Variants in CPO observed in about 807,000 individuals in gnomAD.
CPO encodes metallocarboxypeptidase C.
A neutral mutation model predicts 41.2 loss-of-function variants in CPO; 43 were observed. That is an observed-to-expected ratio of 1.04 (90% confidence interval 0.82 to 1.35). The LOEUF (loss-of-function observed/expected upper bound fraction) is 1.35. CPO is among the 40% of genes most tolerant of loss of function. The pLI, the probability that CPO is intolerant of heterozygous loss-of-function variation, is 0.00. For synonymous variants in CPO, 178 were observed against 162.7 expected, an observed-to-expected ratio of 1.09 and a Z score of -0.72; for missense variants, 408 against 451.7, an observed-to-expected ratio of 0.90 and a Z score of 0.88.
At chr2:206,944,514 A>C (rs1693104612) in intron 1 of CPO, among the ~76,000 whole-genome samples, 1 of 152,050 alleles carries the variant, frequency 6.6e-6, no homozygotes, top group African/African-American at 2.4e-5. Context: ...TTTCTCAGCT[A>C]TTACAATGTA....
rs963610782 is a variant in CPO at position 206,968,444 on chromosome 2, T to G, written c.862+97T>G. ...ATAGGCGGGAGAGGAACAGAAGAGT[T>G]CCTGGGATCAACAGGGAGTTGTACA... On this transcript the variant is annotated intron_variant, in intron 8 of 8. Transcript: ENST00000272852. 9 of 733,040 alleles carry G rather than the reference T, an allele frequency of 1.2e-5. No individual in the cohort carries two copies. In the African/African-American group the frequency reaches 1.4e-4, roughly 11 times the overall value. The allele number at this position is 733,040 out of a possible 1,614,324, so 45.4% of individuals were successfully genotyped here.
intron 8 of CPO, 31 bp from the exon 9 acceptor site, chr2:206,969,143 T>A: frequency 6.2e-7 from 1 of 1,609,618 alleles, no homozygotes. Context: ...AAGTATGACT[T>A]CTACCTCTGC....
In CPO at chr2:206,961,009, A is replaced by G. The variant is rs1468132759; in HGVS notation, c.574+67A>G. ...TGAGAAGTAAGAAAAGAGGTGAATT[A>G]CTAAATGTATAATTTTTGAAAATAA... On this transcript the variant is annotated intron_variant, in intron 6 of 8. Coordinates refer to ENST00000272852, the MANE Select transcript of CPO (RefSeq NM_173077.3). 11 of 1,103,628 alleles carry G rather than the reference A, an allele frequency of 1.0e-5. No individual in the cohort carries two copies. The African/African-American group carries it at 1.2e-4, about 12-fold the overall frequency. The allele number at this position is 1,103,628 out of a possible 1,614,324, so 68.4% of individuals were successfully genotyped here. A position where few individuals can be genotyped will look rare whatever the true frequency, so the allele number is the denominator to read the frequency against.
intron 7 of CPO, among the ~76,000 whole-genome samples, chr2:206,963,170 G>T (rs143236596): frequency 6.6e-6 from 1 of 152,138 alleles, no homozygotes; most frequent in East Asian, 1.9e-4. Flanking sequence ...GGTCTTATCC[G>T]TGTCCTTCTC....
At chr2:206,957,840 A>G (rs763116499) in intron 3 of CPO, among the ~76,000 whole-genome samples, 5 of 152,218 alleles carry the variant, frequency 3.3e-5, no homozygotes, top group Admixed American at 1.3e-4. Flanking sequence ...AATCCATTTG[A>G]AATTTCAAGA....
At chr2:206,962,099 C>CA (rs766647290) in intron 6 of CPO, among the ~76,000 whole-genome samples, 1,405 of 69,200 alleles carry the variant, frequency 0.02, 30 homozygotes, top group African/African-American at 0.05. Flanking sequence ...GACTCTGTCT[C>CA]AAAAAAAAAA....
chr2:206,950,181 T>A (rs1480387202), intron 2 of CPO, among the ~76,000 whole-genome samples: 1 of 152,168 alleles, frequency 6.6e-6, no homozygotes. Flanking sequence ...AAAATTTTTA[T>A]AATCTGTCCA....
chr2:206,947,646 A>G (rs1415761234), intron 1 of CPO, among the ~76,000 whole-genome samples: 3 of 152,212 alleles, frequency 2.0e-5, no homozygotes, highest in Non-Finnish European at 4.4e-5. Context: ...TTTTCAAAAC[A>G]CACATCTGAT....
At chr2:206,943,034 G>A (rs1693057689) in intron 1 of CPO, among the ~76,000 whole-genome samples, 1 of 152,106 alleles carries the variant, frequency 6.6e-6, no homozygotes, top group African/African-American at 2.4e-5. Context: ...CAAGAGTAAG[G>A]CAAATGCCTG....
chr2:206,943,724 TA>T (rs1372159755), intron 1 of CPO, among the ~76,000 whole-genome samples: 3 of 130,858 alleles, frequency 2.3e-5, no homozygotes, highest in Non-Finnish European at 3.3e-5. Context: ...AGATGATGGA[TA>T]GATGATAGAT....
rs764554400 is a variant in CPO at position 206,962,480 on chromosome 2, A to C, written c.643A>C (p.Thr215Pro). Residue 215 changes from threonine to proline, a missense_variant, in exon 7 of 9, where the codon ACT becomes CCT. Coordinates refer to ENST00000272852, the MANE Select transcript of CPO (RefSeq NM_173077.3). ...GACAGGGCCAGTGTCTGAACCAGAGACTAAAGCTGTTGCCAGCTTCATAGA... is the reference window on the plus strand; with the variant it reads ...GACAGGGCCAGTGTCTGAACCAGAGCCTAAAGCTGTTGCCAGCTTCATAGA... The part of the protein sequence containing the change: ...CGTGPVSEPE[T>P]KAVASFIESK... 2.5e-6 allele frequency: 4 copies of C among 1,614,186 alleles called. No homozygotes were observed.
chr2:206,951,573 C>G (rs757398342), intron 2 of CPO, among the ~76,000 whole-genome samples: 1 of 152,108 alleles, frequency 6.6e-6, no homozygotes, highest in African/African-American at 2.4e-5. Context: ...AAGATTTATA[C>G]TTTCTTATAT....
intron 2 of CPO, among the ~76,000 whole-genome samples, chr2:206,950,094 T>C (rs1251061024): frequency 6.6e-6 from 1 of 152,168 alleles, no homozygotes; most frequent in East Asian, 1.9e-4. Flanking sequence ...TCTGATTGAA[T>C]CATATTTAGC....
chr2:206,963,773 C>G (rs192379179), intron 7 of CPO, among the ~76,000 whole-genome samples: 3 of 152,298 alleles, frequency 2.0e-5, no homozygotes, highest in Admixed American at 6.5e-5. Flanking sequence ...GTTGCTTTCA[C>G]CTTTTGGCTA....
rs11456482 is a variant in CPO, at chr2:206,952,120, C to CTT, written c.165+2418_165+2419dup. 2.4e-3 allele frequency among the ~76,000 whole-genome samples: 364 copies of CTT among 149,124 alleles called. 2 individuals are homozygous for CTT. The highest frequency in any genetic ancestry group is 5.9e-3 in the African/African-American group (240 of 40,722). ...AGGATATTTGTTATCCCTCAATTAA[C>CTT]TTTTTTTTTTTTGAGACAGAGTCTT... On this transcript the variant is annotated intron_variant, in intron 2 of 8. Transcript: ENST00000272852.
At chr2:206,960,332 G>A (rs556380721) in intron 5 of CPO, among the ~76,000 whole-genome samples, 18 of 152,298 alleles carry the variant, frequency 1.2e-4, no homozygotes, top group African/African-American at 3.8e-4. Context: ...CTCTGGAACA[G>A]CCTTTCTGGC....
chr2:206,967,364 T>C (rs1164213009), intron 7 of CPO, among the ~76,000 whole-genome samples: 1 of 139,890 alleles, frequency 7.1e-6, no homozygotes, highest in Non-Finnish European at 1.5e-5. Flanking sequence ...TATATAGATA[T>C]AGATATAGAT....
intron 3 of CPO, among the ~76,000 whole-genome samples, chr2:206,956,585 G>A (rs567632459): frequency 3.3e-4 from 50 of 152,306 alleles, no homozygotes; most frequent in African/African-American, 1.2e-3. Context: ...CAGAACCAGA[G>A]TGCATTTTTA....
Position 206,965,159 on chromosome 2 carries a change from C to G in CPO, c.777+2545C>G, listed in dbSNP as rs1415591478. Among the ~76,000 whole-genome samples, 3 of 152,192 alleles carry G rather than the reference C, an allele frequency of 2.0e-5. No individual in the cohort carries two copies. In the East Asian group the frequency reaches 5.8e-4, roughly 29 times the overall value. ...CAGTAAATCAAATTGAGAAAGATGG[C>G]TTCAATTCTGTATCTCTTACAGTCT... On this transcript the variant is annotated intron_variant, in intron 7 of 8. Coordinates refer to ENST00000272852, the MANE Select transcript of CPO (RefSeq NM_173077.3).
Sources: gnomAD v4.1 joint callset for allele counts (sites outside exome capture counted in the v4.1 genomes callset) on GRCh38, gnomAD v4.1.1 for gene constraint, MANE v1.5 for transcripts, NCBI Gene and HGNC (gene_info 2026-07-23, HGNC 2026-07-21) for gene names.